Variants in ATOSA observed in about 807,000 individuals in gnomAD.
The protein encoded by ATOSA is atos homolog protein A.
the ATOSA span, chr15:52,651,879 G>GA: frequency 1.3e-6 from 2 of 1,535,500 alleles, no homozygotes; most frequent in Non-Finnish European, 1.7e-6. Flanking sequence ...CCTTCTCTGT[G>GA]AAGCCCTTTG....
chr15:52,669,191 G>A, the ATOSA span, among the ~76,000 whole-genome samples: 2 of 152,096 alleles, frequency 1.3e-5, no homozygotes, highest in African/African-American at 2.4e-5. Flanking sequence ...AAAGTGCTGG[G>A]ATTACAGGCG....
At chr15:52,582,020 C>A in the ATOSA span, 1 of 662,516 alleles carries the variant, frequency 1.5e-6, no homozygotes, top group South Asian at 2.8e-5. Flanking sequence ...TTCAGGAATC[C>A]TTTCATAAAA....
the ATOSA span, chr15:52,611,015 A>T: frequency 8.2e-7 from 1 of 1,222,900 alleles, no homozygotes; most frequent in Non-Finnish European, 1.1e-6. Context: ...AGTAAATTTT[A>T]TCCACTTACA....
chr15:52,603,869 T>A, the ATOSA span, among the ~76,000 whole-genome samples: 2 of 152,076 alleles, frequency 1.3e-5, no homozygotes, highest in East Asian at 3.9e-4. Flanking sequence ...GAATGGTTAA[T>A]GGGTTCAAAA....
chr15:52,649,036 A>C, the ATOSA span, among the ~76,000 whole-genome samples: 4 of 152,174 alleles, frequency 2.6e-5, 1 homozygote, highest in Non-Finnish European at 5.9e-5. Context: ...GTAATACTGC[A>C]AACAATTACA....
the ATOSA span, among the ~76,000 whole-genome samples, chr15:52,694,635 T>C: frequency 6.6e-6 from 1 of 151,846 alleles, no homozygotes; most frequent in African/African-American, 2.4e-5. Context: ...GGAGTCCGAA[T>C]ATAGCAAGAC....
the ATOSA span, among the ~76,000 whole-genome samples, chr15:52,627,305 C>G: frequency 3.6e-3 from 553 of 152,290 alleles, 2 homozygotes; most frequent in African/African-American, 0.013. Flanking sequence ...CTGCCAACTT[C>G]TAATCGTTGA....
chr15:52,669,584 A>T, the ATOSA span, among the ~76,000 whole-genome samples: 55 of 152,382 alleles, frequency 3.6e-4, no homozygotes, highest in African/African-American at 1.2e-3. Context: ...AATTTCAGAT[A>T]CTGACGCTAA....
At chr15:52,614,745 G>A in the ATOSA span, among the ~76,000 whole-genome samples, 1 of 151,944 alleles carries the variant, frequency 6.6e-6, no homozygotes, top group Non-Finnish European at 1.5e-5. Flanking sequence ...CTACTCAGGA[G>A]GCTGAGGCAG....
chr15:52,606,249 A>G, the ATOSA span, among the ~76,000 whole-genome samples: 4 of 152,144 alleles, frequency 2.6e-5, no homozygotes, highest in Non-Finnish European at 2.9e-5. Flanking sequence ...GTAAATTAAA[A>G]ATTATATATA....
the ATOSA span, among the ~76,000 whole-genome samples, chr15:52,591,684 G>A: frequency 3.9e-5 from 6 of 152,276 alleles, no homozygotes; most frequent in East Asian, 3.9e-4. Flanking sequence ...GTAAGCATTC[G>A]AGTATAATAT....
At chr15:52,628,576 A>T in the ATOSA span, among the ~76,000 whole-genome samples, 1 of 152,242 alleles carries the variant, frequency 6.6e-6, no homozygotes, top group Non-Finnish European at 1.5e-5. Context: ...TATTTACTAC[A>T]GTAATGTAAA....
the ATOSA span, among the ~76,000 whole-genome samples, chr15:52,675,373 T>C: frequency 7.9e-5 from 12 of 152,206 alleles, no homozygotes; most frequent in Non-Finnish European, 1.3e-4. Context: ...AAACAGCCAA[T>C]AGAAAAAGAA....
the ATOSA span, among the ~76,000 whole-genome samples, chr15:52,697,388 G>A: frequency 6.6e-6 from 1 of 152,152 alleles, no homozygotes; most frequent in African/African-American, 2.4e-5. Context: ...TTGCCCGCTT[G>A]CCTCTCTTTC....
the ATOSA span, among the ~76,000 whole-genome samples, chr15:52,694,287 C>T: frequency 1.3e-5 from 2 of 152,032 alleles, no homozygotes; most frequent in African/African-American, 4.8e-5. Context: ...CTGCCTCAGC[C>T]TCCCAAGTAG....
the ATOSA span, among the ~76,000 whole-genome samples, chr15:52,652,894 G>A: frequency 6.6e-6 from 1 of 152,104 alleles, no homozygotes; most frequent in Non-Finnish European, 1.5e-5. Context: ...AACTTTAACA[G>A]CAAAAATCCC....
At chr15:52,595,104 C>T in the ATOSA span, among the ~76,000 whole-genome samples, 1 of 152,184 alleles carries the variant, frequency 6.6e-6, no homozygotes, top group South Asian at 2.1e-4. Context: ...CTGGCAAATT[C>T]CTTCTCATCT....
the ATOSA span, among the ~76,000 whole-genome samples, chr15:52,641,451 A>T: frequency 6.6e-6 from 1 of 152,238 alleles, no homozygotes; most frequent in Non-Finnish European, 1.5e-5. Flanking sequence ...GGGAGGGTAG[A>T]CCATGTTCCA....
chr15:52,679,591 C>T, the ATOSA span, among the ~76,000 whole-genome samples: 71 of 152,228 alleles, frequency 4.7e-4, no homozygotes, highest in African/African-American at 1.7e-3. Context: ...AGCAGAGTCC[C>T]GGAAGCCCGA....
Sources: gnomAD v4.1 joint callset for allele counts (sites outside exome capture counted in the v4.1 genomes callset) on GRCh38, gnomAD v4.1.1 for gene constraint, MANE v1.5 for transcripts, NCBI Gene and HGNC (gene_info 2026-07-23, HGNC 2026-07-21) for gene names.